Variants in PPP1R2 observed in about 807,000 individuals in gnomAD.
PPP1R2 encodes protein phosphatase 1 regulatory inhibitor subunit 2.
In PPP1R2, 16 loss-of-function variants were observed where a neutral mutation model predicts 29.9. The ratio of observed to expected loss-of-function variants is 0.53; its 90% CI spans 0.36 to 0.81. PPP1R2 has a LOEUF of 0.81. Ranked by LOEUF, PPP1R2 falls within the 30% of genes least tolerant of loss-of-function variation. PPP1R2 has a pLI of 0.00. For synonymous variants in PPP1R2, 76 were observed against 91.5 expected (o/e 0.83, Z 0.96); for missense variants, 197 against 252.7 (o/e 0.78, Z 1.49).
In PPP1R2 at chr3:195,515,026, G is replaced by T; in HGVS notation, c.*1870C>A. ...CTACTTCTACAAAAAAAAAAAAAGA[G>T]TATGTGGGTACTTTCTAAGAACTCA... On this transcript the variant is annotated 3_prime_UTR_variant, in exon 6 of 6. Coordinates refer to ENST00000618156, the MANE Select transcript of PPP1R2 (RefSeq NM_006241.8). The T allele has an allele frequency of 3.8e-6, 1 of 260,154 alleles. No individual in the cohort carries two copies. Among genetic ancestry groups the T allele is most frequent in the Non-Finnish European group, 7.9e-6 (1 of 127,192 alleles). The allele number at this position is 260,154 out of a possible 1,614,324, so 16.1% of individuals were successfully genotyped here. A position where few individuals can be genotyped will look rare whatever the true frequency, so the allele number is the denominator to read the frequency against.
At position 195,515,785 on chromosome 3, in the gene PPP1R2, TTTC is replaced by T. The variant is rs1718523221; in HGVS notation, c.*1108_*1110del. The T allele has an allele frequency of 6.6e-6, 1 of 152,270 alleles. No individual in the cohort carries two copies. The highest frequency in any genetic ancestry group is 1.5e-5 in the Non-Finnish European group (1 of 67,976). 9.4% of individuals were successfully genotyped at this position (152,270 alleles called of 1,614,324 possible). On this transcript the variant is annotated 3_prime_UTR_variant, in exon 6 of 6. Transcript: ENST00000618156. ...ACAAAAAAAACCCTCAGTTAGTTGT[TTTC>T]TTAAGTCTAATTAATCCAAACTAAT...
chr3:195,516,588 A>G lies in PPP1R2; in HGVS notation c.*308T>C. Reference sequence around the variant, plus strand: ...AGTTCCCCCCCAAAGATATTGTTTAACTTCTAAAGCATAAAAAGCTCTATA... The same window carrying G: ...AGTTCCCCCCCAAAGATATTGTTTAGCTTCTAAAGCATAAAAAGCTCTATA... On this transcript the variant is annotated 3_prime_UTR_variant, in exon 6 of 6. Coordinates refer to ENST00000618156, the MANE Select transcript of PPP1R2 (RefSeq NM_006241.8). 1 of 271,490 alleles carries G rather than the reference A, an allele frequency of 3.7e-6. No homozygotes were observed. Among genetic ancestry groups the G allele is most frequent in the South Asian group, 1.3e-4 (1 of 7,776 alleles). The allele number at this position is 271,490 out of a possible 1,614,324, so 16.8% of individuals were successfully genotyped here.
chr3:195,541,221 G>C (rs143070228), intron 1 of PPP1R2, among the ~76,000 whole-genome samples: 16 of 152,246 alleles, frequency 1.1e-4, no homozygotes, highest in African/African-American at 3.9e-4. Context: ...CCAATCCATA[G>C]ATTGGGCCCA....
Position 195,519,202 on chromosome 3 carries a change from G to A in PPP1R2, c.404-17C>T. On this transcript the variant is annotated splice_polypyrimidine_tract_variant and intron_variant, in intron 4 of 5. Transcript: ENST00000618156. ...GCTTTTTTTCTATAAGATGCAAAAT[G>A]TAAACTTAGGAAGTTTGAGCTCAAG... The A allele has an allele frequency of 6.4e-7, 1 of 1,564,196 alleles. No individual in the cohort carries two copies. The highest frequency in any genetic ancestry group is 8.7e-7 in the Non-Finnish European group (1 of 1,150,830).
intron 1 of PPP1R2, among the ~76,000 whole-genome samples, chr3:195,530,885 C>T (rs1265732538): frequency 1.3e-5 from 2 of 152,002 alleles, no homozygotes; most frequent in Admixed American, 6.6e-5. Context: ...TGCAATGGCA[C>T]GATCTCGGCT....
At chr3:195,519,869 T>C (rs1021427643) in intron 4 of PPP1R2, among the ~76,000 whole-genome samples, 4 of 151,568 alleles carry the variant, frequency 2.6e-5, no homozygotes, top group South Asian at 4.2e-4. Flanking sequence ...GAGCAACTAT[T>C]TATGAATACA....
At chr3:195,542,065 A>T in intron 1 of PPP1R2, among the ~76,000 whole-genome samples, 1 of 152,148 alleles carries the variant, frequency 6.6e-6, no homozygotes, top group East Asian at 1.9e-4. Flanking sequence ...TATTTTTAGT[A>T]TCTTGCAACG....
intron 1 of PPP1R2, among the ~76,000 whole-genome samples, chr3:195,540,975 T>A (rs898748621): frequency 2.0e-5 from 3 of 152,196 alleles, no homozygotes; most frequent in African/African-American, 4.8e-5. Context: ...AAAAAACCCA[T>A]CCTTTTTACC....
At position 195,542,931 on chromosome 3, in the gene PPP1R2, G is replaced by A. The variant is rs759218606; in HGVS notation, c.95C>T (p.Pro32Leu). The change falls in exon 1 of 6, where the codon CCC becomes CTC. Residue 32 changes from proline to leucine, a missense_variant. Pro to Leu is a moderately conservative substitution (Grantham distance 98). Around this residue, in one of 3 missense-constraint regions of PPP1R2, gnomAD observed 54 missense variants for 60.6 expected, o/e 0.89. Coordinates refer to ENST00000618156, the MANE Select transcript of PPP1R2 (RefSeq NM_006241.8). ...CAGCTCCTCGTCGACATTCCCGCGG[G>A]GCTGTTCGGCCGACGCCACCATAGA... ...TSSMVASAEQPRGNVDEELSK... is the reference protein window; with the variant it reads ...TSSMVASAEQLRGNVDEELSK... 2 of 1,603,112 alleles carry A rather than the reference G, an allele frequency of 1.2e-6. No individual in the cohort carries two copies. Among genetic ancestry groups the A allele is most frequent in the Admixed American group, 1.7e-5 (1 of 58,872 alleles).
At position 195,515,022 on chromosome 3, in the gene PPP1R2, A is replaced by G. The variant is rs199914027; in HGVS notation, c.*1874T>C. 1 of 268,604 alleles carries G rather than the reference A, an allele frequency of 3.7e-6. No homozygotes were observed. Among genetic ancestry groups the G allele is most frequent in the Non-Finnish European group, 7.7e-6 (1 of 129,948 alleles). The allele number at this position is 268,604 out of a possible 1,614,324, so 16.6% of individuals were successfully genotyped here. A position where few individuals can be genotyped will look rare whatever the true frequency, so the allele number is the denominator to read the frequency against. ...ACAGCTACTTCTACAAAAAAAAAAA[A>G]AGAGTATGTGGGTACTTTCTAAGAA... On this transcript the variant is annotated 3_prime_UTR_variant, in exon 6 of 6. Transcript: ENST00000618156.
intron 5 of PPP1R2, among the ~76,000 whole-genome samples, chr3:195,518,379 C>T (rs1021989336): frequency 1.4e-4 from 22 of 152,118 alleles, no homozygotes; most frequent in Admixed American, 9.8e-4. Flanking sequence ...AGGCTGGGCG[C>T]GGTGGCTCAT....
At chr3:195,537,487 G>T (rs961355547) in intron 1 of PPP1R2, among the ~76,000 whole-genome samples, 1 of 130,326 alleles carries the variant, frequency 7.7e-6, no homozygotes, top group African/African-American at 2.9e-5. Context: ...GCTATTGTGT[G>T]TGTGTGTGTG....
chr3:195,528,350 A>G (rs1455632531), intron 2 of PPP1R2, among the ~76,000 whole-genome samples: 1 of 152,240 alleles, frequency 6.6e-6, no homozygotes, highest in Non-Finnish European at 1.5e-5. Context: ...ATACATATAT[A>G]CCACAAAAAA....
rs1577558504 is a variant in PPP1R2 at position 195,515,698 on chromosome 3, C to T, written c.*1198G>A. The T allele has an allele frequency of 6.6e-6, 1 of 152,200 alleles. No homozygotes were observed. Among genetic ancestry groups the T allele is most frequent in the East Asian group, 1.9e-4 (1 of 5,184 alleles). The allele number at this position is 152,200 out of a possible 1,614,324, so 9.4% of individuals were successfully genotyped here. A position where few individuals can be genotyped will look rare whatever the true frequency, so the allele number is the denominator to read the frequency against. Reference sequence around the variant, plus strand: ...CCAGGCTTACTTCTGTCTGTACATTCAGGAATAATCATATCACTGGTTACA... The same window carrying T: ...CCAGGCTTACTTCTGTCTGTACATTTAGGAATAATCATATCACTGGTTACA... On this transcript the variant is annotated 3_prime_UTR_variant, in exon 6 of 6. Coordinates refer to ENST00000618156, the MANE Select transcript of PPP1R2 (RefSeq NM_006241.8).
intron 3 of PPP1R2, 85 bp from the exon 4 acceptor site, chr3:195,523,871 A>G: frequency 3.6e-6 from 4 of 1,117,442 alleles, no homozygotes; most frequent in Non-Finnish European, 5.3e-6. Flanking sequence ...TTCTTACAAA[A>G]ACATCTGAAG....
rs55868192 is a variant in PPP1R2, at chr3:195,530,371, G to C, written c.123-470C>G. 4.5e-3 allele frequency among the ~76,000 whole-genome samples: 689 copies of C among 152,252 alleles called. 3 individuals carry two copies. The highest frequency in any genetic ancestry group is 8.1e-3 in the Non-Finnish European group (548 of 68,010). On this transcript the variant is annotated intron_variant, in intron 1 of 5. Transcript: ENST00000618156. ...TAAAGATTCAAACAATAAAACTATA[G>C]AGAAAACCTCATCAAACTCAGACAC... is the stretch of plus-strand genomic sequence containing the variant.
chr3:195,531,545 G>A (rs1376184018), intron 1 of PPP1R2, among the ~76,000 whole-genome samples: 5 of 152,138 alleles, frequency 3.3e-5, no homozygotes, highest in Non-Finnish European at 5.9e-5. Flanking sequence ...AGGTGACTTC[G>A]TATTCTTTTG....
In PPP1R2 at chr3:195,533,347, G is replaced by GA. The variant is rs199627497; in HGVS notation, c.123-3447dup. 7.6e-3 allele frequency among the ~76,000 whole-genome samples: 898 copies of GA among 118,422 alleles called. 5 individuals carry two copies. Among genetic ancestry groups the GA allele is most frequent in the East Asian group, 0.04 (163 of 4,030 alleles). The allele number at this position is 118,422 out of a possible 152,430, so 77.7% of individuals were successfully genotyped here. ...GCAACAGAGTAAGACTCTGCCTCAG[G>GA]AAAAAAAAAAAAAAAAGCTCTATGA... is the stretch of plus-strand genomic sequence containing the variant. On this transcript the variant is annotated intron_variant, in intron 1 of 5. Transcript: ENST00000618156.
chr3:195,538,306 T>C (rs917891171), intron 1 of PPP1R2, among the ~76,000 whole-genome samples: 5 of 152,210 alleles, frequency 3.3e-5, no homozygotes, highest in African/African-American at 1.2e-4. Flanking sequence ...ATTTGATAAG[T>C]TGTGACTGTG....
Sources: gnomAD v4.1 joint callset for allele counts (sites outside exome capture counted in the v4.1 genomes callset) on GRCh38, gnomAD v4.1.1 for gene constraint, gnomAD v4.1.1 regional missense constraint, MANE v1.5 for transcripts, NCBI Gene and HGNC (gene_info 2026-07-23, HGNC 2026-07-21) for gene names.